The following SNAP91 variants were observed in gnomAD, a reference collection of about 807,000 sequenced individuals.
The protein encoded by SNAP91 is clathrin coat assembly protein AP180.
SNAP91 carries 27 observed loss-of-function variants against 100.3 expected under a neutral mutation model. That is an observed-to-expected ratio of 0.27 (90% CI 0.20 to 0.37). The LOEUF is 0.37. Ranked by LOEUF, SNAP91 falls within the 10% of genes least tolerant of loss-of-function variation. The probability of loss-of-function intolerance (pLI) is 1.00; values close to 1 mark genes in which losing one functional copy is unlikely to be tolerated. For synonymous variants in SNAP91, 404 were observed against 398.6 expected, an observed-to-expected ratio of 1.01 and a Z score of -0.16; for missense variants, 986 against 1,123.7, an observed-to-expected ratio of 0.88 and a Z score of 1.75.
chr6:83,707,982 C>A, intron 1 of SNAP91, 25 bp from the exon 2 acceptor site: 1 of 1,518,894 alleles, frequency 6.6e-7, no homozygotes, highest in Admixed American at 2.4e-5. Flanking sequence ...GGGAGACGGT[C>A]CGGCTTTAAT....
chr6:83,689,103 G>A (rs1296864999), intron 2 of SNAP91, among the ~76,000 whole-genome samples: 1 of 152,118 alleles, frequency 6.6e-6, no homozygotes. Context: ...CACCCATCAT[G>A]GCTCAGAGTG....
At chr6:83,708,250 C>A (rs934225003) in intron 1 of SNAP91, 4 of 284,416 alleles carry the variant, frequency 1.4e-5, no homozygotes, top group Admixed American at 1.1e-4. Flanking sequence ...CCCCTGGGGA[C>A]CCCCCTGTCA....
At chr6:83,654,695 G>A (rs1434747908) in intron 7 of SNAP91, among the ~76,000 whole-genome samples, 1 of 152,034 alleles carries the variant, frequency 6.6e-6, no homozygotes, top group South Asian at 2.1e-4. Flanking sequence ...AAGATACGGG[G>A]GTAGAAATTC....
chr6:83,686,250 C>T, intron 2 of SNAP91: 1 of 935,892 alleles, frequency 1.1e-6, no homozygotes, highest in Non-Finnish European at 1.3e-6. Context: ...ATTAGATGAA[C>T]CCTCACAGGT....
At chr6:83,580,422 G>GAA (rs534887461) in intron 24 of SNAP91, 28 bp downstream of exon 24, 1,422 of 364,432 alleles carry the variant, frequency 3.9e-3, no homozygotes, top group Admixed American at 0.012. Flanking sequence ...TTCAGTTAAA[G>GAA]AAAAAAAAAA....
chr6:83,665,172 T>A (rs576088161), intron 3 of SNAP91, among the ~76,000 whole-genome samples: 52 of 152,050 alleles, frequency 3.4e-4, no homozygotes, highest in Non-Finnish European at 5.9e-4. Context: ...AATATTAGCT[T>A]TTTTTTGCAG....
intron 22 of SNAP91, among the ~76,000 whole-genome samples, chr6:83,583,511 T>G (rs74717510): frequency 0.011 from 1,700 of 152,218 alleles, 31 homozygotes; most frequent in African/African-American, 0.038. Flanking sequence ...TTTCTCTCAA[T>G]CAACAGACAG....
intron 26 of SNAP91, among the ~76,000 whole-genome samples, chr6:83,569,516 A>T (rs566825001): frequency 3.9e-5 from 6 of 152,270 alleles, no homozygotes; most frequent in African/African-American, 1.4e-4. Flanking sequence ...AGGGTGGGTA[A>T]TGGCCAAGGA....
At position 83,582,250 on chromosome 6, in the gene SNAP91, A is replaced by G. The variant is rs1829536048; in HGVS notation, c.2121T>C (p.Thr707=). The G allele has an allele frequency of 1.2e-6, 2 of 1,613,712 alleles. No individual in the cohort carries two copies. Among genetic ancestry groups the G allele is most frequent in the Non-Finnish European group, 1.7e-6 (2 of 1,179,724 alleles). The change falls in exon 23 of 30, where the codon ACT becomes ACC. Residue 707 remains threonine, a synonymous_variant. Transcript: ENST00000369694. ...ATGGATCAAAGGAGCTGCTGCTGGA[A>G]GTTGAAGGCGTTGTCCCAAAAGCTG... ...FEAAFGTTPS[T]SSSSSFDPSV... is the part of the protein sequence containing the mutation.
chr6:83,665,703 G>A (rs1467121121), intron 2 of SNAP91, 122 bp from the exon 3 acceptor site: 1 of 759,884 alleles, frequency 1.3e-6, no homozygotes, highest in African/African-American at 1.8e-5. Context: ...GATAATAGCT[G>A]ATAACAAAAT....
chr6:83,638,147 A>G (rs1025843145), intron 8 of SNAP91, among the ~76,000 whole-genome samples: 1 of 152,082 alleles, frequency 6.6e-6, no homozygotes, highest in Non-Finnish European at 1.5e-5. Context: ...ATGGGCACCT[A>G]TGGTCATGTT....
chr6:83,651,426 A>T (rs1472296388), intron 7 of SNAP91, among the ~76,000 whole-genome samples: 1 of 152,158 alleles, frequency 6.6e-6, no homozygotes, highest in Non-Finnish European at 1.5e-5. Context: ...CATCCTATAC[A>T]TTTTGATAAG....
intron 22 of SNAP91, among the ~76,000 whole-genome samples, chr6:83,587,949 C>T (rs1276549400): frequency 6.6e-6 from 1 of 152,018 alleles, no homozygotes; most frequent in Non-Finnish European, 1.5e-5. Flanking sequence ...CAAAATTAAG[C>T]CCTATGGAAA....
Position 83,641,105 on chromosome 6 carries a change from C to T in SNAP91, c.756G>A (p.Lys252=). The change falls in exon 8 of 30, where the codon AAG becomes AAA. Residue 252 remains lysine, a synonymous_variant. Coordinates refer to ENST00000369694, the MANE Select transcript of SNAP91 (RefSeq NM_001242792.2). ...ACTTAATATTACTTACCTCTGCAAC[C>T]TTGAGAAATTCAGACACTCGTGTCA... The part of the protein sequence containing the change: ...TRMTRVSEFL[K]VAEQVGIDKG... 1 of 1,521,220 alleles carries T rather than the reference C, an allele frequency of 6.6e-7. No individual in the cohort carries two copies. Among genetic ancestry groups the T allele is most frequent in the South Asian group, 1.3e-5 (1 of 77,728 alleles). 94.2% of individuals were successfully genotyped at this position (1,521,220 alleles called of 1,614,324 possible). A position where few individuals can be genotyped will look rare whatever the true frequency, so the allele number is the denominator to read the frequency against.
chr6:83,589,301 C>G (rs2093373102), intron 22 of SNAP91, among the ~76,000 whole-genome samples: 1 of 152,116 alleles, frequency 6.6e-6, no homozygotes, highest in Non-Finnish European at 1.5e-5. Flanking sequence ...TCCAAGTAAC[C>G]AGCTGTGGTT....
chr6:83,676,290 C>T (rs1482069636), intron 2 of SNAP91, among the ~76,000 whole-genome samples: 4 of 151,880 alleles, frequency 2.6e-5, no homozygotes, highest in African/African-American at 7.3e-5. Context: ...GGAGGAAACA[C>T]GCAGACAACT....
In SNAP91 at chr6:83,662,436, A is replaced by G; in HGVS notation, c.274-14T>C. The G allele has an allele frequency of 9.3e-7, 1 of 1,073,482 alleles. No homozygotes were observed. Among genetic ancestry groups the G allele is most frequent in the Non-Finnish European group, 1.3e-6 (1 of 774,414 alleles). The allele number at this position is 1,073,482 out of a possible 1,614,324, so 66.5% of individuals were successfully genotyped here. A position where few individuals can be genotyped will look rare whatever the true frequency, so the allele number is the denominator to read the frequency against. On this transcript the variant is annotated splice_polypyrimidine_tract_variant and intron_variant, in intron 3 of 29. Transcript: ENST00000369694. Reference sequence around the variant, plus strand: ...TTGAATAAATCTCTGAAAAACAAAAATTAGAATTAAACACACATTTTAAAA... The same window carrying G: ...TTGAATAAATCTCTGAAAAACAAAAGTTAGAATTAAACACACATTTTAAAA...
chr6:83,624,046 T>C (rs1286806405), intron 8 of SNAP91, among the ~76,000 whole-genome samples: 1 of 152,092 alleles, frequency 6.6e-6, no homozygotes, highest in African/African-American at 2.4e-5. Context: ...CTCTTGCCAT[T>C]GCAAACAGTG....
chr6:83,671,739 T>C (rs2098790073), intron 2 of SNAP91, among the ~76,000 whole-genome samples: 1 of 152,092 alleles, frequency 6.6e-6, no homozygotes, highest in African/African-American at 2.4e-5. Flanking sequence ...AAGTAATTGT[T>C]CACTAAAACA....
Sources: allele counts gnomAD v4.1 joint callset (sites outside exome capture counted in the v4.1 genomes callset), GRCh38; gene constraint gnomAD v4.1.1; transcripts MANE v1.5; gene names NCBI Gene and HGNC (gene_info 2026-07-23, HGNC 2026-07-21).